Variants in SNCAIP observed in about 807,000 individuals in gnomAD.
SNCAIP encodes synuclein alpha interacting protein.
In SNCAIP, 43 loss-of-function variants were observed where a neutral mutation model predicts 86.7. The ratio of observed to expected loss-of-function variants is 0.50; its 90% CI spans 0.39 to 0.64. The LOEUF (loss-of-function observed/expected upper bound fraction) is 0.64. Among genes scored for constraint, SNCAIP ranks in the 30% least tolerant of loss-of-function variants. The pLI is 0.00. For missense variants in SNCAIP, 981 were observed against 1,103.1 expected, an observed-to-expected ratio of 0.89 and a Z score of 1.57; for synonymous variants, 417 against 427.2, an observed-to-expected ratio of 0.98 and a Z score of 0.29.
At chr5:122,320,229 T>C (rs1378241041) in intron 1 of SNCAIP, among the ~76,000 whole-genome samples, 2 of 152,244 alleles carry the variant, frequency 1.3e-5, no homozygotes, top group Admixed American at 6.5e-5. Flanking sequence ...ACTACTGGTT[T>C]GATCATCTCT....
chr5:122,452,560 T>TA (rs1208933585), intron 10 of SNCAIP, among the ~76,000 whole-genome samples: 1 of 152,242 alleles, frequency 6.6e-6, no homozygotes, highest in Non-Finnish European at 1.5e-5. Flanking sequence ...ATTTCTCTAA[T>TA]AAGTTGAACA....
At chr5:122,390,186 G>A (rs1393639671) in intron 1 of SNCAIP, among the ~76,000 whole-genome samples, 1 of 152,130 alleles carries the variant, frequency 6.6e-6, no homozygotes, top group Non-Finnish European at 1.5e-5. Context: ...CAATAAGAAA[G>A]ACAAGTTGCA....
intron 1 of SNCAIP, among the ~76,000 whole-genome samples, chr5:122,322,273 A>G (rs1238051972): frequency 6.6e-6 from 1 of 152,226 alleles, no homozygotes; most frequent in Non-Finnish European, 1.5e-5. Flanking sequence ...TAGCTTATCT[A>G]CTTTACCCCC....
intron 1 of SNCAIP, among the ~76,000 whole-genome samples, chr5:122,352,284 T>A (rs894229889): frequency 6.6e-6 from 1 of 152,198 alleles, no homozygotes; most frequent in East Asian, 1.9e-4. Flanking sequence ...TTTAAAAGAA[T>A]ATGTTTTTAT....
At chr5:122,450,504 A>G (rs982410688) in intron 9 of SNCAIP, 29 bp from the exon 10 acceptor site, 11 of 1,506,646 alleles carry the variant, frequency 7.3e-6, no homozygotes, top group Middle Eastern at 1.7e-4. Context: ...GTAGGAAATC[A>G]TCTCATATGT....
intron 10 of SNCAIP, among the ~76,000 whole-genome samples, chr5:122,457,614 A>C (rs1785090593): frequency 6.9e-6 from 1 of 145,042 alleles, no homozygotes; most frequent in African/African-American, 2.6e-5. Flanking sequence ...TCTCTCTCTC[A>C]CTCTCTCTCT....
chr5:122,338,632 T>G (rs1756968803), intron 1 of SNCAIP, among the ~76,000 whole-genome samples: 1 of 152,208 alleles, frequency 6.6e-6, no homozygotes, highest in Admixed American at 6.5e-5. Flanking sequence ...AAGGATGCCT[T>G]TAAGTTCTCT....
intron 1 of SNCAIP, among the ~76,000 whole-genome samples, chr5:122,377,102 CT>C (rs1561613796): frequency 6.6e-6 from 1 of 152,130 alleles, no homozygotes; most frequent in Admixed American, 6.6e-5. Context: ...AAGATTTACC[CT>C]TGAAGTTAAA....
At chr5:122,422,415 G>T (rs1476958627) in intron 3 of SNCAIP, among the ~76,000 whole-genome samples, 1 of 152,104 alleles carries the variant, frequency 6.6e-6, no homozygotes, top group Non-Finnish European at 1.5e-5. Context: ...GTGCATTAGG[G>T]GTGTATGTGG....
At chr5:122,438,883 A>G (rs552219071) in intron 6 of SNCAIP, among the ~76,000 whole-genome samples, 45 of 152,286 alleles carry the variant, frequency 3.0e-4, no homozygotes, top group African/African-American at 1.0e-3. Context: ...ATTGAAGAGA[A>G]TTTGTTCTGC....
chr5:122,400,282 G>C (rs1771522211), intron 2 of SNCAIP, among the ~76,000 whole-genome samples: 1 of 152,142 alleles, frequency 6.6e-6, no homozygotes, highest in South Asian at 2.1e-4. Flanking sequence ...AGGCTGTGCA[G>C]AGTCTTAGTC....
chr5:122,433,112 A>AGTGTGTGTGTGTGTGTGTGT (rs34711914), intron 6 of SNCAIP, among the ~76,000 whole-genome samples: 7 of 147,820 alleles, frequency 4.7e-5, no homozygotes, highest in African/African-American at 1.8e-4. Context: ...AACTTCTAGT[A>AGTGTGTGTGTGTGTGTGTGT]GTGTGTGTGT....
chr5:122,328,743 C>T (rs1239571152), intron 1 of SNCAIP, among the ~76,000 whole-genome samples: 1 of 152,206 alleles, frequency 6.6e-6, no homozygotes, highest in Non-Finnish European at 1.5e-5. Context: ...TCCTTGCTTG[C>T]TTTAGTATAA....
intron 1 of SNCAIP, among the ~76,000 whole-genome samples, chr5:122,390,311 C>T (rs1011580632): frequency 6.6e-6 from 1 of 152,058 alleles, no homozygotes. Context: ...GTGCCTCTGC[C>T]GCCGCTGATG....
chr5:122,446,539 A>G (rs1782353387), intron 8 of SNCAIP, among the ~76,000 whole-genome samples: 1 of 152,210 alleles, frequency 6.6e-6, no homozygotes, highest in Non-Finnish European at 1.5e-5. Flanking sequence ...CATATGTACT[A>G]GTAGACTGCA....
chr5:122,411,730 C>T (rs138944092), intron 3 of SNCAIP, among the ~76,000 whole-genome samples: 8 of 152,210 alleles, frequency 5.3e-5, no homozygotes, highest in East Asian at 1.9e-4. Flanking sequence ...GCACCGTAAG[C>T]GTCAGCATCA....
At chr5:122,380,809 A>T (rs1766579703) in intron 1 of SNCAIP, among the ~76,000 whole-genome samples, 1 of 152,096 alleles carries the variant, frequency 6.6e-6, no homozygotes, top group Non-Finnish European at 1.5e-5. Flanking sequence ...TCCAGTAGTC[A>T]TTTAGGAGCA....
chr5:122,451,704 G>GAAA (rs11397630), intron 10 of SNCAIP, 103 bp downstream of exon 10: 235 of 698,620 alleles, frequency 3.4e-4, no homozygotes, highest in Non-Finnish European at 3.9e-4. Flanking sequence ...GAATCCCCAG[G>GAAA]AAAAAAAAAA....
At chr5:122,434,466 G>A (rs1253377590) in intron 6 of SNCAIP, among the ~76,000 whole-genome samples, 1 of 152,162 alleles carries the variant, frequency 6.6e-6, no homozygotes, top group Non-Finnish European at 1.5e-5. Context: ...TTCTGGGACT[G>A]GTTGGGTCAC....
Sources: allele counts gnomAD v4.1 joint callset (sites outside exome capture counted in the v4.1 genomes callset), GRCh38; gene constraint gnomAD v4.1.1; transcripts MANE v1.5; gene names NCBI Gene and HGNC (gene_info 2026-07-23, HGNC 2026-07-21).